The following PHF2 variants were observed in gnomAD, a reference collection of about 807,000 sequenced individuals.
PHF2 encodes PHD finger protein 2.
A neutral mutation model predicts 120.5 loss-of-function variants in PHF2; 27 were observed. That is an observed-to-expected ratio of 0.22 (90% CI 0.17 to 0.31). The LOEUF (loss-of-function observed/expected upper bound fraction) is 0.31, where lower values mean the gene tolerates loss of function less well. Ranked by LOEUF, PHF2 falls within the 10% of genes least tolerant of loss-of-function variation. PHF2 has a pLI of 1.00. For synonymous variants in PHF2, 568 were observed against 592.5 expected (o/e 0.96, Z 0.60); for missense variants, 1,024 against 1,434.8 (o/e 0.71, Z 4.63).
intron 4 of PHF2, among the ~76,000 whole-genome samples, chr9:93,646,546 C>T (rs10992822): frequency 6.6e-6 from 1 of 152,234 alleles, no homozygotes; most frequent in Non-Finnish European, 1.5e-5. Flanking sequence ...GGCACACTGG[C>T]CTCTCAGTGC....
At chr9:93,588,848 G>A (rs1239296828) in intron 1 of PHF2, among the ~76,000 whole-genome samples, 3 of 152,154 alleles carry the variant, frequency 2.0e-5, no homozygotes, top group Non-Finnish European at 2.9e-5. Context: ...CCGAAACTGC[G>A]CCACTGCACT....
chr9:93,588,818 A>G (rs977911075), intron 1 of PHF2, among the ~76,000 whole-genome samples: 6 of 152,102 alleles, frequency 3.9e-5, no homozygotes, highest in African/African-American at 1.2e-4. Flanking sequence ...TTGAACCTGG[A>G]AGGCAGAAGT....
intron 17 of PHF2, among the ~76,000 whole-genome samples, chr9:93,671,599 G>T (rs1302984282): frequency 4.5e-5 from 5 of 111,504 alleles, no homozygotes; most frequent in African/African-American, 6.8e-5. Context: ...TGGGAGTAGG[G>T]TCAGGTGTAG....
chr9:93,624,590 C>T (rs568451812), intron 1 of PHF2, among the ~76,000 whole-genome samples: 3 of 137,112 alleles, frequency 2.2e-5, no homozygotes, highest in East Asian at 2.3e-4. Context: ...GTGATGACAA[C>T]GGTCGTTGTG....
At chr9:93,603,476 A>G (rs2398847) in intron 1 of PHF2, among the ~76,000 whole-genome samples, 53,819 of 151,702 alleles carry the variant, frequency 0.35, 9,832 homozygotes, top group Non-Finnish European at 0.4. Flanking sequence ...TGTAGGACAC[A>G]CTGCTGGGGT....
chr9:93,643,630 C>T (rs1587701613), intron 3 of PHF2, among the ~76,000 whole-genome samples: 1 of 152,180 alleles, frequency 6.6e-6, no homozygotes, highest in South Asian at 2.1e-4. Flanking sequence ...TCCCACCTGC[C>T]TGCTTCCTGT....
chr9:93,653,847 C>T (rs1361081486), intron 6 of PHF2, among the ~76,000 whole-genome samples: 1 of 152,206 alleles, frequency 6.6e-6, no homozygotes, highest in East Asian at 1.9e-4. Flanking sequence ...CTGTGGGCTC[C>T]CCCAGCTGCT....
intron 1 of PHF2, among the ~76,000 whole-genome samples, chr9:93,602,787 C>G (rs1825466333): frequency 6.6e-6 from 1 of 152,180 alleles, no homozygotes; most frequent in Non-Finnish European, 1.5e-5. Context: ...GTTATTTGGT[C>G]AAAGGATTGT....
chr9:93,671,081 G>C, intron 17 of PHF2: 1 of 970,362 alleles, frequency 1.0e-6, no homozygotes, highest in Non-Finnish European at 1.2e-6. Flanking sequence ...GTGCAGGGTG[G>C]GGGTAGGTGC....
chr9:93,636,226 A>C (rs2398851), intron 2 of PHF2, among the ~76,000 whole-genome samples, 185 bp from the exon 3 acceptor site: 2 of 151,578 alleles, frequency 1.3e-5, no homozygotes, highest in African/African-American at 4.9e-5. Context: ...AGGTCGAGGT[A>C]GGGGGTTGAC....
rs753332444 is a variant in PHF2, at chr9:93,676,929, C to T, written c.3168C>T (p.Ser1056=). 1.8e-5 allele frequency: 28 copies of T among 1,570,928 alleles called. No homozygotes were observed. The Admixed American group carries it at 2.2e-4, about 12-fold the overall frequency. ...TCTTTCTCACACAGAGGCGGCCCTC[C>T]GCATCGTCTCCAAACAACAACACCG... The part of the protein sequence containing the change: ...PGVFLTQRRP[S]ASSPNNNTAA... Residue 1056 remains serine, a synonymous_variant, in exon 21 of 22, where the codon TCC becomes TCT. Transcript: ENST00000359246.
Position 93,667,231 on chromosome 9 carries a change from A to G in PHF2, c.2339A>G (p.Asn780Ser). 1 of 1,609,786 alleles carries G rather than the reference A, an allele frequency of 6.2e-7. No individual in the cohort carries two copies. Among genetic ancestry groups the G allele is most frequent in the Non-Finnish European group, 8.5e-7 (1 of 1,178,678 alleles). Residue 780 changes from asparagine to serine, a missense_variant, in exon 17 of 22, where the codon AAC becomes AGC. Physicochemically the swap from Asn to Ser is conservative, Grantham distance 46. Transcript: ENST00000359246. ...ASEEVGALEY[N>S]PSSQPPASPS... is the part of the protein sequence containing the mutation. Reference sequence around the variant, plus strand: ...GAGGAGGTTGGCGCGCTGGAGTACAACCCCAGCAGGTGGGCCCCACCACCC... The same window carrying G: ...GAGGAGGTTGGCGCGCTGGAGTACAGCCCCAGCAGGTGGGCCCCACCACCC...
intron 1 of PHF2, among the ~76,000 whole-genome samples, chr9:93,624,589 A>G (rs546557652): frequency 2.7e-5 from 4 of 150,554 alleles, no homozygotes; most frequent in South Asian, 2.1e-4. Flanking sequence ...GGTGATGACA[A>G]CGGTCGTTGT....
rs372093036 is a variant in PHF2 at position 93,656,495 on chromosome 9, T to C, written c.1047T>C (p.Tyr349=). 63 of 1,611,706 alleles carry C rather than the reference T, an allele frequency of 3.9e-5. No homozygotes were observed. The highest frequency in any genetic ancestry group is 4.8e-5 in the Non-Finnish European group (56 of 1,178,210). ...GCTCTTTGGTGGCTTCTAGAGCATATGAAGTGGAAAGGAGGTTGAAACTGG... is the reference window on the plus strand; with the variant it reads ...GCTCTTTGGTGGCTTCTAGAGCATACGAAGTGGAAAGGAGGTTGAAACTGG... ...SLSVEMQMRA[Y]EVERRLKLGS... is the part of the protein sequence containing the mutation. Residue 349 remains tyrosine, a synonymous_variant, in exon 9 of 22, where the codon TAT becomes TAC. Coordinates refer to ENST00000359246, the MANE Select transcript of PHF2 (RefSeq NM_005392.4). This position sits in a 1 kb window ranked among gnomAD's most constrained non-coding sequence, Gnocchi z 4.1.
At chr9:93,627,652 TG>T (rs1168050151) in intron 1 of PHF2, among the ~76,000 whole-genome samples, 1 of 152,226 alleles carries the variant, frequency 6.6e-6, no homozygotes, top group African/African-American at 2.4e-5. Flanking sequence ...TTTTCATCCA[TG>T]GCTTTCATCA....
intron 16 of PHF2, 129 bp downstream of exon 16, chr9:93,666,189 C>G: frequency 1.3e-6 from 1 of 760,376 alleles, no homozygotes; most frequent in Non-Finnish European, 2.2e-6. Context: ...GGGCCCCTTA[C>G]CCTCACCCCA....
At chr9:93,663,256 C>G (rs1826611161) in intron 13 of PHF2, among the ~76,000 whole-genome samples, 1 of 152,128 alleles carries the variant, frequency 6.6e-6, no homozygotes, top group Non-Finnish European at 1.5e-5. Context: ...AATGTACACC[C>G]TGTATGTTGA....
chr9:93,579,942 G>C (rs1239615336), intron 1 of PHF2, among the ~76,000 whole-genome samples: 2 of 152,208 alleles, frequency 1.3e-5, no homozygotes, highest in Non-Finnish European at 2.9e-5. Context: ...TGCCTTGGTG[G>C]GTGGGGCTGC....
At chr9:93,586,903 G>A (rs1407073861) in intron 1 of PHF2, among the ~76,000 whole-genome samples, 2 of 152,230 alleles carry the variant, frequency 1.3e-5, no homozygotes, top group Non-Finnish European at 2.9e-5. Flanking sequence ...TGCCAGAGCA[G>A]ATTGGGGTGA....
Sources: allele counts gnomAD v4.1 joint callset (sites outside exome capture counted in the v4.1 genomes callset), GRCh38; gene constraint gnomAD v4.1.1; non-coding constraint Gnocchi (gnomAD v3.1); transcripts MANE v1.5; gene names NCBI Gene and HGNC (gene_info 2026-07-23, HGNC 2026-07-21).